Variants in VOPP1 observed in about 807,000 individuals in gnomAD.
VOPP1 encodes the protein VOPP1 WW domain binding protein.
In VOPP1, 8 loss-of-function variants were observed where a neutral mutation model predicts 23.5. The ratio of observed to expected loss-of-function variants is 0.34; its 90% confidence interval spans 0.20 to 0.61. The LOEUF (loss-of-function observed/expected upper bound fraction) is 0.61, where lower values mean the gene tolerates loss of function less well. Among genes scored for constraint, VOPP1 ranks in the 20% least tolerant of loss-of-function variants. VOPP1 has a pLI of 0.78. For missense variants in VOPP1, 174 were observed against 238.1 expected, an observed-to-expected ratio of 0.73 and a Z score of 1.77; for synonymous variants, 83 against 97.3, an observed-to-expected ratio of 0.85 and a Z score of 0.86.
chr7:55,477,873 A>G (rs1398792572), intron 4 of VOPP1, among the ~76,000 whole-genome samples: 1 of 152,236 alleles, frequency 6.6e-6, no homozygotes, highest in Non-Finnish European at 1.5e-5. Context: ...GCAGGGCCGG[A>G]TGCTGGAGCC....
At chr7:55,553,794 CACACACACACA>C (rs1797709731) in intron 1 of VOPP1, 1 of 153,644 alleles carries the variant, frequency 6.5e-6, no homozygotes, top group Non-Finnish European at 1.4e-5. Flanking sequence ...CACACACACA[CACACACACACA>C]CTCACCCTCT....
intron 1 of VOPP1, among the ~76,000 whole-genome samples, chr7:55,548,484 A>G (rs150798738): frequency 0.011 from 1,674 of 152,332 alleles, 11 homozygotes; most frequent in Middle Eastern, 0.02. Flanking sequence ...GCTGGGATGC[A>G]TATCTGTCCT....
At chr7:55,523,992 G>A in intron 1 of VOPP1, among the ~76,000 whole-genome samples, 1 of 152,182 alleles carries the variant, frequency 6.6e-6, no homozygotes, top group East Asian at 1.9e-4. Flanking sequence ...AGACTATCAT[G>A]ACATGATCAC....
At chr7:55,531,678 CAGAGTGCA>C (rs1796508036) in intron 1 of VOPP1, among the ~76,000 whole-genome samples, 1 of 152,082 alleles carries the variant, frequency 6.6e-6, no homozygotes, top group Non-Finnish European at 1.5e-5. Flanking sequence ...GATGTAATTG[CAGAGTGCA>C]AGAGTAACAT....
intron 1 of VOPP1, 67 bp from the exon 2 acceptor site, chr7:55,521,197 C>T: frequency 6.8e-7 from 1 of 1,471,876 alleles, no homozygotes; most frequent in South Asian, 1.2e-5. Context: ...GAAGCTCTCA[C>T]AAAGGCAGAA....
intron 3 of VOPP1, among the ~76,000 whole-genome samples, chr7:55,494,998 T>C (rs138945197): frequency 6.6e-6 from 1 of 152,228 alleles, no homozygotes; most frequent in Non-Finnish European, 1.5e-5. Flanking sequence ...TTTTTTAACA[T>C]TAGAAGTTAC....
chr7:55,491,978 A>T (rs931063280), intron 4 of VOPP1, among the ~76,000 whole-genome samples: 42 of 152,344 alleles, frequency 2.8e-4, no homozygotes, highest in African/African-American at 9.9e-4. Flanking sequence ...ACAGAAATTT[A>T]TATGTGAAAT....
rs368764616 is a variant in VOPP1 at position 55,572,254 on chromosome 7, C to G, written c.54+17G>C. On this transcript the variant is annotated intron_variant, in intron 1 of 4. Coordinates refer to ENST00000285279, the MANE Select transcript of VOPP1 (RefSeq NM_030796.5). ...TGGGCGCCGCGCCTCCGGCAGCACCCGGTCCCCGGCCCCTACCTCCAAGAG... is the reference window on the plus strand; with the variant it reads ...TGGGCGCCGCGCCTCCGGCAGCACCGGGTCCCCGGCCCCTACCTCCAAGAG... 1 of 1,518,268 alleles carries G rather than the reference C, an allele frequency of 6.6e-7. No individual in the cohort carries two copies. Among genetic ancestry groups the G allele is most frequent in the Non-Finnish European group, 8.8e-7 (1 of 1,142,376 alleles). The allele number at this position is 1,518,268 out of a possible 1,614,324, so 94.0% of individuals were successfully genotyped here. A position where few individuals can be genotyped will look rare whatever the true frequency, so the allele number is the denominator to read the frequency against.
intron 1 of VOPP1, chr7:55,521,547 T>C (rs567560752): frequency 2.2e-5 from 22 of 997,892 alleles, no homozygotes; most frequent in Non-Finnish European, 2.6e-5. Flanking sequence ...GAGCTGTATA[T>C]TTCAGAATAT....
chr7:55,501,911 C>G (rs150277922), intron 2 of VOPP1, among the ~76,000 whole-genome samples: 1,673 of 152,346 alleles, frequency 0.011, 11 homozygotes, highest in Middle Eastern at 0.02. Flanking sequence ...CAGACTGTAA[C>G]AGCTCTTATA....
At position 55,471,324 on chromosome 7, in the gene VOPP1, A is replaced by G. The variant is rs1424077742; in HGVS notation, c.*1531T>C. 6.7e-6 allele frequency: 1 copy of G among 149,868 alleles called. No homozygotes were observed. The highest frequency in any genetic ancestry group is 1.5e-5 in the Non-Finnish European group (1 of 67,226). The allele number at this position is 149,868 out of a possible 1,614,324, so 9.3% of individuals were successfully genotyped here. On this transcript the variant is annotated 3_prime_UTR_variant, in exon 5 of 5. Coordinates refer to ENST00000285279, the MANE Select transcript of VOPP1 (RefSeq NM_030796.5). ...TCCCAGGGTGTCTGTTTTGTTCCCA[A>G]GTGTCTCCCACAAAATTCCCCAGGA...
chr7:55,440,282 C>T (rs764878096), intron 4 of VOPP1, among the ~76,000 whole-genome samples: 8 of 152,334 alleles, frequency 5.3e-5, no homozygotes, highest in South Asian at 2.1e-4. Context: ...GAAGCATGAT[C>T]TGGCTGGACC....
At chr7:55,461,542 C>T (rs1041860864) in intron 4 of VOPP1, among the ~76,000 whole-genome samples, 3 of 152,198 alleles carry the variant, frequency 2.0e-5, no homozygotes, top group Middle Eastern at 3.4e-3. Flanking sequence ...CTTAGCCTCC[C>T]GAGTAGCTGG....
intron 1 of VOPP1, among the ~76,000 whole-genome samples, chr7:55,537,949 GC>G (rs913544210): frequency 6.6e-6 from 1 of 152,160 alleles, no homozygotes; most frequent in African/African-American, 2.4e-5. Context: ...GCTGTCTCCT[GC>G]CCACCTGCCA....
At chr7:55,510,687 A>C (rs1795018659) in intron 2 of VOPP1, among the ~76,000 whole-genome samples, 1 of 151,332 alleles carries the variant, frequency 6.6e-6, no homozygotes, top group African/African-American at 2.4e-5. Context: ...TGCTGCATGC[A>C]GGAGGGAGTC....
Position 55,497,634 on chromosome 7 carries a change from A to G in VOPP1, c.170T>C (p.Ile57Thr), listed in dbSNP as rs1794062893. ...GSRCCVRALSIQRLWYFWFLL... is the reference protein window; with the variant it reads ...GSRCCVRALSTQRLWYFWFLL... ...CTACCAGAAGTACCACAGCCTCTGTATGGAGAGGGCCCGCACACAGCACCT... is the reference window on the plus strand; with the variant it reads ...CTACCAGAAGTACCACAGCCTCTGTGTGGAGAGGGCCCGCACACAGCACCT... Residue 57 changes from isoleucine (I) to threonine (T), a missense_variant, in exon 3 of 5, where the codon ATA (isoleucine) becomes ACA (threonine). Coordinates refer to ENST00000285279, the MANE Select transcript of VOPP1 (RefSeq NM_030796.5). The G allele has an allele frequency of 1.2e-6, 2 of 1,608,530 alleles. No homozygotes were observed. Among genetic ancestry groups the G allele is most frequent in the Admixed American group, 1.7e-5 (1 of 59,552 alleles).
Position 55,439,179 on chromosome 7 carries a change from A to G in VOPP1, n.418-3005T>C, listed in dbSNP as rs1790903636. On this transcript the variant is annotated intron_variant and non_coding_transcript_variant, in intron 4 of 4. Coordinates refer to the VOPP1 transcript ENST00000462326. ...CAGGAGACCTATAAGGTTACCAGGG[A>G]AGTGAGGGAGATGAGAGAGGGAAGG... Among the ~76,000 whole-genome samples, 3 of 151,916 alleles carry G rather than the reference A, an allele frequency of 2.0e-5. No individual in the cohort carries two copies. The South Asian group carries it at 6.2e-4, about 31-fold the overall frequency.
downstream of VOPP1, chr7:55,435,965 C>T (rs551731795): frequency 2.6e-5 from 4 of 152,416 alleles, no homozygotes; most frequent in Non-Finnish European, 5.9e-5. Flanking sequence ...TGAGCTCAGA[C>T]TCAGAGGGCC....
chr7:55,505,194 C>T (rs1279467092), intron 2 of VOPP1, among the ~76,000 whole-genome samples: 1 of 152,150 alleles, frequency 6.6e-6, no homozygotes, highest in Non-Finnish European at 1.5e-5. Context: ...CAACTTTGCT[C>T]CTCCTCTCTG....
Sources: allele counts gnomAD v4.1 joint callset (sites outside exome capture counted in the v4.1 genomes callset), GRCh38; gene constraint gnomAD v4.1.1; transcripts MANE v1.5; gene names NCBI Gene and HGNC (gene_info 2026-07-23, HGNC 2026-07-21).